The following CA10 variants were observed in gnomAD, a reference collection of about 807,000 sequenced individuals.
CA10 encodes carbonic anhydrase-related protein 10.
In CA10, 14 loss-of-function variants were observed where a neutral mutation model predicts 44.2. The observed-to-expected ratio is 0.32, with a 90% CI of 0.21 to 0.50. The LOEUF is 0.50. Ranked by LOEUF, CA10 falls within the 20% of genes least tolerant of loss-of-function variation. The pLI is 0.99. For missense variants in CA10, 350 were observed against 409.7 expected, an observed-to-expected ratio of 0.85 and a Z score of 1.26; for synonymous variants, 159 against 141.6, an observed-to-expected ratio of 1.12 and a Z score of -0.87.
At chr17:52,002,234 A>C (rs942796163) in intron 2 of CA10, among the ~76,000 whole-genome samples, 2 of 152,032 alleles carry the variant, frequency 1.3e-5, no homozygotes, top group Non-Finnish European at 1.5e-5. Flanking sequence ...AATGAAAAAA[A>C]AAATAAAAAA....
At chr17:51,731,284 G>A (rs1483588845) in intron 4 of CA10, among the ~76,000 whole-genome samples, 1 of 152,202 alleles carries the variant, frequency 6.6e-6, no homozygotes, top group African/African-American at 2.4e-5. Flanking sequence ...GGCTGAGGCA[G>A]GAGAATCACT....
chr17:51,917,979 G>T (rs547757302), intron 3 of CA10, among the ~76,000 whole-genome samples: 1 of 152,264 alleles, frequency 6.6e-6, no homozygotes, highest in South Asian at 2.1e-4. Context: ...ATTTGCATAA[G>T]AATTCTCATC....
chr17:51,994,868 A>G (rs1985174530), intron 2 of CA10, among the ~76,000 whole-genome samples: 1 of 151,992 alleles, frequency 6.6e-6, no homozygotes, highest in African/African-American at 2.4e-5. Flanking sequence ...ATCCATATCC[A>G]TGGTAGAGTT....
chr17:51,820,800 A>G (rs557182605), intron 3 of CA10, among the ~76,000 whole-genome samples: 2 of 152,178 alleles, frequency 1.3e-5, no homozygotes, highest in African/African-American at 2.4e-5. Flanking sequence ...TGTGAGGGTT[A>G]TGTTAGATAA....
chr17:52,067,332 C>A (rs1987564377), intron 2 of CA10, among the ~76,000 whole-genome samples: 1 of 152,234 alleles, frequency 6.6e-6, no homozygotes, highest in African/African-American at 2.4e-5. Context: ...GCCTTGGTGG[C>A]TTACATGTGG....
intron 1 of CA10, among the ~76,000 whole-genome samples, chr17:52,143,798 G>A (rs551383418): frequency 7.2e-5 from 11 of 152,200 alleles, no homozygotes; most frequent in Non-Finnish European, 1.6e-4. Context: ...CTCTACCAAC[G>A]AGCTTGGAGG....
At chr17:52,141,640 C>T (rs890234633) in intron 1 of CA10, among the ~76,000 whole-genome samples, 1 of 152,112 alleles carries the variant, frequency 6.6e-6, no homozygotes, top group Non-Finnish European at 1.5e-5. Context: ...ATGACTGTGT[C>T]CCAGTACAAC....
chr17:52,106,711 T>C (rs1988669307), intron 1 of CA10, among the ~76,000 whole-genome samples: 1 of 152,230 alleles, frequency 6.6e-6, no homozygotes, highest in South Asian at 2.1e-4. Flanking sequence ...GTTTCCTCCA[T>C]TTAGCAGATA....
At chr17:51,655,359 A>G (rs2214015) in intron 4 of CA10, among the ~76,000 whole-genome samples, 125,603 of 152,236 alleles carry the variant, frequency 0.83, 52,141 homozygotes, top group Non-Finnish European at 0.86. Flanking sequence ...ATCCAATAAG[A>G]TAGTGCATGT....
At chr17:52,136,371 G>A (rs117399000) in intron 1 of CA10, among the ~76,000 whole-genome samples, 3,889 of 152,272 alleles carry the variant, frequency 0.026, 89 homozygotes, top group Non-Finnish European at 0.033. Context: ...GGGGCCCTCG[G>A]AATGGGGAGG....
intron 3 of CA10, among the ~76,000 whole-genome samples, chr17:51,813,875 T>C (rs568485506): frequency 1.1e-3 from 168 of 152,350 alleles, no homozygotes; most frequent in Non-Finnish European, 1.8e-3. Context: ...GGCTCAAGCC[T>C]AGCTCTGACC....
intron 4 of CA10, among the ~76,000 whole-genome samples, chr17:51,659,118 T>G (rs1158772473): frequency 6.6e-6 from 1 of 152,180 alleles, no homozygotes; most frequent in African/African-American, 2.4e-5. Context: ...GATATTAGCA[T>G]TTGAATCAGT....
intron 4 of CA10, among the ~76,000 whole-genome samples, chr17:51,741,288 C>T (rs1904451956): frequency 6.6e-6 from 1 of 152,156 alleles, no homozygotes; most frequent in Admixed American, 6.5e-5. Flanking sequence ...TTGTTCAATC[C>T]TTTTGTGTCC....
chr17:52,108,622 C>T (rs1388965336), intron 1 of CA10, among the ~76,000 whole-genome samples: 1 of 146,890 alleles, frequency 6.8e-6, no homozygotes, highest in East Asian at 2.0e-4. Flanking sequence ...ATCGCTTGAA[C>T]CTGGGAGGTG....
At chr17:51,822,256 A>G (rs979096658) in intron 3 of CA10, among the ~76,000 whole-genome samples, 30 of 152,198 alleles carry the variant, frequency 2.0e-4, no homozygotes, top group Admixed American at 1.1e-3. Context: ...TGTCTCTACT[A>G]ATAATACAAA....
At chr17:52,108,254 C>G (rs901202983) in intron 1 of CA10, among the ~76,000 whole-genome samples, 8 of 139,384 alleles carry the variant, frequency 5.7e-5, no homozygotes, top group Non-Finnish European at 1.1e-4. Context: ...TACTACCCAG[C>G]CATAAAAGGA....
intron 2 of CA10, among the ~76,000 whole-genome samples, chr17:51,933,617 G>A (rs1222818999): frequency 6.6e-6 from 1 of 152,066 alleles, no homozygotes; most frequent in African/African-American, 2.4e-5. Flanking sequence ...CATTTGTTAT[G>A]GCAGTAACGG....
chr17:51,649,736 G>A (rs1269472482), intron 5 of CA10, among the ~76,000 whole-genome samples: 1 of 152,210 alleles, frequency 6.6e-6, no homozygotes, highest in Non-Finnish European at 1.5e-5. Context: ...GGAAGGATAG[G>A]AAGTGAGCCT....
intron 3 of CA10, among the ~76,000 whole-genome samples, chr17:51,888,265 G>A (rs1980703087): frequency 6.6e-6 from 1 of 152,058 alleles, no homozygotes. Context: ...AAAAAGAAAA[G>A]ATACACAAAT....
Sources: gnomAD v4.1 joint callset for allele counts (sites outside exome capture counted in the v4.1 genomes callset) on GRCh38, gnomAD v4.1.1 for gene constraint, MANE v1.5 for transcripts, NCBI Gene and HGNC (gene_info 2026-07-23, HGNC 2026-07-21) for gene names.